Variants in NUBPL observed in about 807,000 individuals in gnomAD.
The protein encoded by NUBPL is NUBP iron-sulfur cluster assembly factor, mitochondrial, also known as iron-sulfur cluster transfer protein NUBPL.
A neutral mutation model predicts 45.7 loss-of-function variants in NUBPL; 31 were observed. That is an observed-to-expected ratio of 0.68 (90% CI 0.51 to 0.92). NUBPL has a LOEUF of 0.92. NUBPL is among the 40% of genes least tolerant of loss of function. The probability of loss-of-function intolerance (pLI) is 0.00; values close to 1 mark genes in which losing one functional copy is unlikely to be tolerated. For missense variants in NUBPL, 401 were observed against 398.7 expected (o/e 1.01, Z -0.05); for synonymous variants, 144 against 140.9 (o/e 1.02, Z -0.15).
chr14:31,582,081 AGTT>A (rs2033877944), intron 3 of NUBPL, among the ~76,000 whole-genome samples: 1 of 152,088 alleles, frequency 6.6e-6, no homozygotes, highest in Admixed American at 6.6e-5. Context: ...GTTTTTTAGT[AGTT>A]CTCTAAGAAA....
intron 6 of NUBPL, among the ~76,000 whole-genome samples, chr14:31,769,475 G>A (rs960472648): frequency 1.3e-5 from 2 of 151,972 alleles, no homozygotes; most frequent in Non-Finnish European, 2.9e-5. Flanking sequence ...ACATACACTA[G>A]AATGAGATGT....
At chr14:31,806,607 T>C (rs1214109919) in intron 7 of NUBPL, among the ~76,000 whole-genome samples, 5 of 152,168 alleles carry the variant, frequency 3.3e-5, no homozygotes, top group Admixed American at 2.6e-4. Context: ...TTATTTATTT[T>C]ATTATTTTTT....
intron 4 of NUBPL, among the ~76,000 whole-genome samples, chr14:31,629,960 CAG>C (rs897736958): frequency 3.9e-5 from 6 of 152,134 alleles, no homozygotes; most frequent in African/African-American, 1.4e-4. Flanking sequence ...GCTTTGGAGT[CAG>C]AGTGACCCAA....
intron 6 of NUBPL, among the ~76,000 whole-genome samples, chr14:31,701,606 A>C (rs1476031696): frequency 6.6e-6 from 1 of 152,206 alleles, no homozygotes; most frequent in Non-Finnish European, 1.5e-5. Context: ...TCACTCCTGA[A>C]GCCAGCGAGA....
chr14:31,642,272 G>A (rs753422677), intron 4 of NUBPL, among the ~76,000 whole-genome samples: 3 of 152,074 alleles, frequency 2.0e-5, no homozygotes, highest in Admixed American at 6.5e-5. Context: ...TAACGTTCTG[G>A]AGCATTTACT....
chr14:31,809,652 C>T lies in NUBPL; in HGVS notation c.608-16977C>T, dbSNP rs566518246. ...TCTGATCTTAGTTATTTCTTGCCTT[C>T]TGCTAGTTTTTGAATGTGTTTGCTC... On this transcript the variant is annotated intron_variant, in intron 7 of 10. Coordinates refer to ENST00000281081, the MANE Select transcript of NUBPL (RefSeq NM_025152.3). Among the ~76,000 whole-genome samples the T allele has an allele frequency of 2.0e-5, 3 of 152,280 alleles. 1 individual carries two copies. The South Asian group carries it at 6.2e-4, about 32-fold the overall frequency.
rs112572508 is a variant in NUBPL, at chr14:31,651,624, C to T, written c.383-21731C>T. Among the ~76,000 whole-genome samples the T allele has an allele frequency of 5.9e-3, 892 of 152,086 alleles. 2 individuals carry two copies. The highest frequency in any genetic ancestry group is 0.017 in the Admixed American group (263 of 15,284). On this transcript the variant is annotated intron_variant, in intron 4 of 10. Transcript: ENST00000281081. Reference sequence around the variant, plus strand: ...CTGTATTGAAAAATGTGTGGCCGGGCGTGGTGGCTCACGCCTGTAATCCCA... The same window carrying T: ...CTGTATTGAAAAATGTGTGGCCGGGTGTGGTGGCTCACGCCTGTAATCCCA...
intron 4 of NUBPL, among the ~76,000 whole-genome samples, chr14:31,617,683 T>A (rs1399649259): frequency 6.6e-6 from 1 of 152,188 alleles, no homozygotes; most frequent in East Asian, 1.9e-4. Context: ...TTTGCCAGTA[T>A]TTTACTGAGG....
At chr14:31,836,358 C>T (rs901535614) in intron 8 of NUBPL, among the ~76,000 whole-genome samples, 5 of 152,096 alleles carry the variant, frequency 3.3e-5, no homozygotes, top group African/African-American at 1.2e-4. Flanking sequence ...AGCATGCTTA[C>T]AGCTGTATCT....
At chr14:31,753,253 T>C (rs1416119147) in intron 6 of NUBPL, among the ~76,000 whole-genome samples, 3 of 152,050 alleles carry the variant, frequency 2.0e-5, no homozygotes, top group Non-Finnish European at 2.9e-5. Context: ...CACAGGGCCA[T>C]GGTTGCCAGT....
Position 31,859,614 on chromosome 14 carries a change from C to T in NUBPL, c.*434C>T, listed in dbSNP as rs1258466031. 1 of 264,306 alleles carries T rather than the reference C, an allele frequency of 3.8e-6. No individual in the cohort carries two copies. The highest frequency in any genetic ancestry group is 4.5e-5 in the South Asian group (1 of 22,448). The allele number at this position is 264,306 out of a possible 1,614,324, so 16.4% of individuals were successfully genotyped here. A position where few individuals can be genotyped will look rare whatever the true frequency, so the allele number is the denominator to read the frequency against. On this transcript the variant is annotated 3_prime_UTR_variant, in exon 11 of 11. Transcript: ENST00000281081. ...CTGTCTTTGAATCCTGTCTTTGGTA[C>T]TGTCTTGGACATGTTCTTAATATGA...
chr14:31,703,458 A>G (rs2037380901), intron 6 of NUBPL, among the ~76,000 whole-genome samples: 2 of 152,290 alleles, frequency 1.3e-5, no homozygotes, highest in Middle Eastern at 3.4e-3. Flanking sequence ...CTGTTTTCAC[A>G]CTGCTGATAA....
chr14:31,754,917 C>A (rs1316751244), intron 6 of NUBPL, among the ~76,000 whole-genome samples: 1 of 128,624 alleles, frequency 7.8e-6, no homozygotes, highest in African/African-American at 3.1e-5. Flanking sequence ...TCTCATTGTT[C>A]AATTCCCATC....
In NUBPL at chr14:31,572,615, A is replaced by C. The variant is rs143873692; in HGVS notation, c.291+7567A>C. Among the ~76,000 whole-genome samples, 296 of 152,198 alleles carry C rather than the reference A, an allele frequency of 1.9e-3. 1 individual carries two copies. The highest frequency in any genetic ancestry group is 0.014 in the Middle Eastern group (4 of 294). On this transcript the variant is annotated intron_variant, in intron 3 of 10. Transcript: ENST00000281081. ...TTCGTTTTACTTTATTTTTTGTGAG[A>C]AGTGGTATGGGATGGAGGTGTTTGT...
Position 31,709,475 on chromosome 14 carries a change from C to T in NUBPL, c.513+35901C>T, listed in dbSNP as rs530489618. ...AGCTTGCTGACCGTTAGGGATTTTG[C>T]CCCTTTCTTCAGCTGTCATTCTGTC... On this transcript the variant is annotated intron_variant, in intron 6 of 10. Transcript: ENST00000281081. Among the ~76,000 whole-genome samples, 12 of 152,330 alleles carry T rather than the reference C, an allele frequency of 7.9e-5. No homozygotes were observed. The South Asian group carries it at 2.3e-3, about 29-fold the overall frequency.
chr14:31,770,589 T>C (rs1057026986), intron 6 of NUBPL, among the ~76,000 whole-genome samples: 2 of 152,242 alleles, frequency 1.3e-5, no homozygotes, highest in African/African-American at 2.4e-5. Flanking sequence ...TGACTGCTTA[T>C]CATTTACGCC....
intron 6 of NUBPL, among the ~76,000 whole-genome samples, chr14:31,780,130 T>C (rs2039166042): frequency 6.6e-6 from 1 of 152,094 alleles, no homozygotes. Flanking sequence ...TGGCGAGCTC[T>C]TGACTCACTG....
chr14:31,701,364 CAAAATGGACCAATCAGCTGTCTGT>C (rs2037334235), intron 6 of NUBPL, among the ~76,000 whole-genome samples: 1 of 152,028 alleles, frequency 6.6e-6, no homozygotes, highest in Non-Finnish European at 1.5e-5. Flanking sequence ...AGCACCCTGT[CAAAATGGACCAATCAGCTGTCTGT>C]AAAATGGACC....
chr14:31,829,761 T>G (rs529212927), intron 8 of NUBPL, among the ~76,000 whole-genome samples: 9 of 152,296 alleles, frequency 5.9e-5, no homozygotes, highest in Admixed American at 2.0e-4. Flanking sequence ...AAGAACATAT[T>G]GAAGTTAATT....
Sources: gnomAD v4.1 joint callset for allele counts (sites outside exome capture counted in the v4.1 genomes callset) on GRCh38, gnomAD v4.1.1 for gene constraint, MANE v1.5 for transcripts, NCBI Gene and HGNC (gene_info 2026-07-23, HGNC 2026-07-21) for gene names.